The following CHAT variants were observed in gnomAD, a reference collection of about 807,000 sequenced individuals.
CHAT encodes choline O-acetyltransferase.
In CHAT, 61 loss-of-function variants were observed where a neutral mutation model predicts 76.9. The observed-to-expected ratio is 0.79, with a 90% CI of 0.65 to 0.98. The LOEUF (loss-of-function observed/expected upper bound fraction) is 0.98, where lower values mean the gene tolerates loss of function less well. Ranked by LOEUF, CHAT falls within the 50% of genes least tolerant of loss-of-function variation. The pLI, the probability that CHAT is intolerant of heterozygous loss-of-function variation, is 0.00. For missense variants in CHAT, 946 were observed against 986.9 expected (o/e 0.96, Z 0.56); for synonymous variants, 407 against 397.4 (o/e 1.02, Z -0.29).
At chr10:49,651,761 G>A in intron 10 of CHAT, 123 bp from the exon 11 acceptor site, 3 of 965,092 alleles carry the variant, frequency 3.1e-6, no homozygotes, top group Non-Finnish European at 4.7e-6. Flanking sequence ...TGAAGGGCAG[G>A]GACTACGTCC....
intron 14 of CHAT, 33 bp from the exon 15 acceptor site, chr10:49,664,744 A>T: frequency 6.2e-7 from 1 of 1,614,140 alleles, no homozygotes; most frequent in Non-Finnish European, 8.5e-7. Context: ...TGCATTCCAG[A>T]ACAAGCAGCT....
chr10:49,615,555 G>A (rs1252981543), intron 1 of CHAT, among the ~76,000 whole-genome samples: 1 of 152,212 alleles, frequency 6.6e-6, no homozygotes, highest in Admixed American at 6.5e-5. Context: ...GTGTTGGGTG[G>A]GGAGAGGGGT....
At chr10:49,629,734 C>G (rs529732318) in intron 7 of CHAT, among the ~76,000 whole-genome samples, 74 of 152,314 alleles carry the variant, frequency 4.9e-4, no homozygotes, top group African/African-American at 1.8e-3. Context: ...GGGACACATG[C>G]GCCTCCCCTT....
At chr10:49,656,088 A>G (rs947446581) in intron 13 of CHAT, among the ~76,000 whole-genome samples, 10 of 152,220 alleles carry the variant, frequency 6.6e-5, no homozygotes, top group Non-Finnish European at 8.8e-5. Flanking sequence ...TCTTTGAAGG[A>G]TCATATAATC....
chr10:49,649,926 G>C (rs191436757), intron 10 of CHAT, among the ~76,000 whole-genome samples: 1 of 136,838 alleles, frequency 7.3e-6, no homozygotes, highest in African/African-American at 2.6e-5. Context: ...AGTCAAGGCC[G>C]GGAAATCATC....
intron 5 of CHAT, among the ~76,000 whole-genome samples, chr10:49,624,017 T>C (rs1191118103): frequency 6.6e-6 from 1 of 152,178 alleles, no homozygotes; most frequent in Non-Finnish European, 1.5e-5. Context: ...GTCATGCCCC[T>C]GCGTGCTAAA....
At chr10:49,649,765 G>T in intron 10 of CHAT, 129 bp downstream of exon 10, 2 of 934,028 alleles carry the variant, frequency 2.1e-6, no homozygotes, top group South Asian at 2.8e-5. Flanking sequence ...GCTCCACCTC[G>T]TCCCCATCCC....
intron 7 of CHAT, among the ~76,000 whole-genome samples, chr10:49,640,763 A>T (rs1839453141): frequency 6.6e-6 from 1 of 152,222 alleles, no homozygotes; most frequent in Non-Finnish European, 1.5e-5. Context: ...TGGCTGAAGT[A>T]GAACGCTTAT....
At chr10:49,625,690 A>T (rs1212813070) in intron 6 of CHAT, 37 bp downstream of exon 6, 1 of 1,540,508 alleles carries the variant, frequency 6.5e-7, no homozygotes, top group Non-Finnish European at 8.8e-7. Context: ...GAGGGCACAG[A>T]GCATACAGTG....
intron 4 of CHAT, among the ~76,000 whole-genome samples, chr10:49,621,777 G>T (rs531215601): frequency 6.6e-6 from 1 of 152,074 alleles, no homozygotes; most frequent in East Asian, 1.9e-4. Context: ...CCTTCCCCAA[G>T]AGCTACTCGA....
chr10:49,621,201 G>A lies in CHAT; in HGVS notation c.698+588G>A, dbSNP rs183785904. On this transcript the variant is annotated intron_variant, in intron 4 of 14. Transcript: ENST00000337653. ...CAGAGTCTGGTCTTAAGACCTGAGT[G>A]GGGCAAATGGTGGGGACGGTTTAGA... 2.3e-3 allele frequency among the ~76,000 whole-genome samples: 351 copies of A among 152,316 alleles called. 3 individuals are homozygous for A. The highest frequency in any genetic ancestry group is 8.0e-3 in the African/African-American group (331 of 41,582).
intron 6 of CHAT, 112 bp from the exon 7 acceptor site, chr10:49,627,496 G>A: frequency 9.1e-7 from 1 of 1,103,478 alleles, no homozygotes; most frequent in African/African-American, 1.5e-5. Flanking sequence ...CAAACACCTT[G>A]GGAACCTTGG....
chr10:49,649,481 C>T, intron 9 of CHAT, 27 bp from the exon 10 acceptor site: 1 of 1,613,686 alleles, frequency 6.2e-7, no homozygotes, highest in Non-Finnish European at 8.5e-7. Context: ...GCCGCAGAGC[C>T]TCAGGAGGTT....
At chr10:49,632,521 G>C (rs554124282) in intron 7 of CHAT, among the ~76,000 whole-genome samples, 1 of 152,292 alleles carries the variant, frequency 6.6e-6, no homozygotes, top group East Asian at 1.9e-4. Flanking sequence ...CAGGGACAGT[G>C]CTCATGGGCA....
intron 8 of CHAT, 143 bp downstream of exon 8, chr10:49,646,817 C>A: frequency 1.0e-6 from 1 of 960,868 alleles, no homozygotes; most frequent in Non-Finnish European, 1.6e-6. Flanking sequence ...GCCTAAGAGG[C>A]TGGGTCTGAG....
Position 49,619,724 on chromosome 10 carries a change from G to A in CHAT, c.388-1G>A, listed in dbSNP as rs1420657104. On this transcript the variant is annotated splice_acceptor_variant, in intron 2 of 14. Transcript: ENST00000337653. LOFTEE classifies it high-confidence loss of function. Reference sequence around the variant, plus strand: ...CAATGCCTATGAACCCTTTCTTCCAGGGGCTGCCCAAACTGCCCGTGCCCC... The same window carrying A: ...CAATGCCTATGAACCCTTTCTTCCAAGGGCTGCCCAAACTGCCCGTGCCCC... 2 of 1,610,332 alleles carry A rather than the reference G, an allele frequency of 1.2e-6. No individual in the cohort carries two copies. Among genetic ancestry groups the A allele is most frequent in the Non-Finnish European group, 1.7e-6 (2 of 1,179,924 alleles).
intron 7 of CHAT, chr10:49,637,448 G>A (rs1839332276): frequency 6.6e-6 from 1 of 152,184 alleles, no homozygotes; most frequent in African/African-American, 2.4e-5. Flanking sequence ...GACCCGGTGA[G>A]AGGTGATTGG....
intron 7 of CHAT, among the ~76,000 whole-genome samples, chr10:49,642,137 T>C (rs1388424934): frequency 2.0e-5 from 3 of 152,160 alleles, no homozygotes; most frequent in South Asian, 2.1e-4. Flanking sequence ...TTGAGGAAGA[T>C]TGATTCGCCA....
intron 1 of CHAT, 85 bp downstream of exon 1, chr10:49,614,560 C>T: frequency 1.4e-6 from 1 of 705,720 alleles, no homozygotes; most frequent in Non-Finnish European, 2.2e-6. Flanking sequence ...GGGACAGCAC[C>T]GGGGCCGAGA....
Sources: allele counts gnomAD v4.1 joint callset (sites outside exome capture counted in the v4.1 genomes callset), GRCh38; gene constraint gnomAD v4.1.1; transcripts MANE v1.5; gene names NCBI Gene and HGNC (gene_info 2026-07-23, HGNC 2026-07-21).